The following IMMP1L variants were observed in gnomAD, a reference collection of about 807,000 sequenced individuals.
IMMP1L encodes the protein inner mitochondrial membrane peptidase subunit 1, also known as mitochondrial inner membrane protease subunit 1.
A neutral mutation model predicts 21.8 loss-of-function variants in IMMP1L; 24 were observed. The ratio of observed to expected loss-of-function variants is 1.10; its 90% CI spans 0.80 to 1.55. IMMP1L has a LOEUF of 1.55. Ranked by LOEUF, IMMP1L falls within the 40% of genes most tolerant of loss-of-function variation. IMMP1L has a pLI of 0.00. For synonymous variants in IMMP1L, 46 were observed against 62.8 expected (o/e 0.73, Z 1.26); for missense variants, 195 against 200.7 (o/e 0.97, Z 0.17).
chr11:31,496,521 T>C (rs1244877473), intron 1 of IMMP1L, among the ~76,000 whole-genome samples: 1 of 152,076 alleles, frequency 6.6e-6, no homozygotes, highest in African/African-American at 2.4e-5. Flanking sequence ...GATACTTCTA[T>C]GCCAATGTTC....
At chr11:31,456,956 G>GAAAAAGA (rs1170071912) in intron 3 of IMMP1L, among the ~76,000 whole-genome samples, 10 of 77,284 alleles carry the variant, frequency 1.3e-4, no homozygotes, top group East Asian at 1.2e-3. Flanking sequence ...ACCAAAAAAA[G>GAAAAAGA]AAAAAAAAAC....
At chr11:31,502,618 G>C (rs997678411) in intron 1 of IMMP1L, among the ~76,000 whole-genome samples, 1 of 152,148 alleles carries the variant, frequency 6.6e-6, no homozygotes, top group Non-Finnish European at 1.5e-5. Context: ...TCAAACCGAA[G>C]GGAAATTGAT....
intron 1 of IMMP1L, among the ~76,000 whole-genome samples, chr11:31,470,007 A>G (rs1467869500): frequency 6.6e-6 from 1 of 152,236 alleles, no homozygotes; most frequent in Admixed American, 6.5e-5. Context: ...AGCTAAAGAA[A>G]AAAATAAAAA....
chr11:31,452,191 G>A, intron 4 of IMMP1L: 2 of 977,852 alleles, frequency 2.0e-6, no homozygotes, highest in Non-Finnish European at 2.4e-6. Flanking sequence ...TGTCATGGGA[G>A]TTTGTTTAGA....
intron 1 of IMMP1L, among the ~76,000 whole-genome samples, chr11:31,487,331 T>C (rs1457617007): frequency 6.6e-6 from 1 of 152,160 alleles, no homozygotes; most frequent in African/African-American, 2.4e-5. Context: ...CCATGTTGTT[T>C]CTGTCTGTCA....
intron 1 of IMMP1L, among the ~76,000 whole-genome samples, chr11:31,483,010 A>G (rs1223097): frequency 0.64 from 97,936 of 151,860 alleles, 33,489 homozygotes; most frequent in African/African-American, 0.89. Flanking sequence ...CTACAACTAT[A>G]TAGATAAATC....
At chr11:31,441,009 T>C (rs907337508) in intron 4 of IMMP1L, among the ~76,000 whole-genome samples, 1 of 152,138 alleles carries the variant, frequency 6.6e-6, no homozygotes, top group South Asian at 2.1e-4. Context: ...CCAGTAAAAA[T>C]AAATACATAA....
At chr11:31,452,328 G>A (rs1953783796) in intron 4 of IMMP1L, 4 of 983,980 alleles carry the variant, frequency 4.1e-6, no homozygotes, top group Non-Finnish European at 4.8e-6. Flanking sequence ...TAAACATTAT[G>A]AGTGCTTTTC....
rs556924671 is a variant in IMMP1L at position 31,502,763 on chromosome 11, A to G, written c.-30+6756T>C. Among the ~76,000 whole-genome samples, 3 of 152,374 alleles carry G rather than the reference A, an allele frequency of 2.0e-5. No individual in the cohort carries two copies. The South Asian group carries it at 6.2e-4, about 32-fold the overall frequency. On this transcript the variant is annotated intron_variant, in intron 1 of 5. Coordinates refer to ENST00000532287, the MANE Select transcript of IMMP1L (RefSeq NM_001304274.2). ...CGTTATTTAATTCCTCATGTTGGCT[A>G]CATGCAAATATGGAGAAAAGTCCCA...
chr11:31,437,616 A>G (rs1953169868), intron 4 of IMMP1L, among the ~76,000 whole-genome samples: 1 of 152,198 alleles, frequency 6.6e-6, no homozygotes, highest in African/African-American at 2.4e-5. Flanking sequence ...GGTATATTTT[A>G]TATACAGTAA....
intron 1 of IMMP1L, among the ~76,000 whole-genome samples, chr11:31,503,766 G>A (rs1786861478): frequency 6.6e-6 from 1 of 152,200 alleles, no homozygotes; most frequent in Admixed American, 6.5e-5. Context: ...CAACTTAGGT[G>A]AGAAGGAATT....
intron 1 of IMMP1L, among the ~76,000 whole-genome samples, chr11:31,482,705 T>G (rs1397062684): frequency 1.3e-5 from 2 of 151,884 alleles, no homozygotes; most frequent in African/African-American, 4.8e-5. Context: ...AAAAAACGAG[T>G]GTTGGAAACA....
intron 1 of IMMP1L, among the ~76,000 whole-genome samples, chr11:31,500,173 C>G (rs1372965424): frequency 6.6e-6 from 1 of 150,482 alleles, no homozygotes; most frequent in Non-Finnish European, 1.5e-5. Flanking sequence ...CTTTTTTTTT[C>G]CATTTAGGCT....
rs930039693 is a variant in IMMP1L, at chr11:31,433,828, C to T, written c.322-258G>A. Reference sequence around the variant, plus strand: ...CCAAATATTAATTTGTTATACAAACCCCAAACTGAGGTTATAAGAGATCAA... The same window carrying T: ...CCAAATATTAATTTGTTATACAAACTCCAAACTGAGGTTATAAGAGATCAA... On this transcript the variant is annotated intron_variant, in intron 4 of 5. Transcript: ENST00000532287. The T allele has an allele frequency of 3.5e-5, 11 of 311,640 alleles. No individual in the cohort carries two copies. In the Admixed American group the frequency reaches 5.2e-4, roughly 15 times the overall value. 19.3% of individuals were successfully genotyped at this position (311,640 alleles called of 1,614,324 possible).
At chr11:31,472,474 T>C (rs1351196402) in intron 1 of IMMP1L, among the ~76,000 whole-genome samples, 1 of 152,228 alleles carries the variant, frequency 6.6e-6, no homozygotes, top group Non-Finnish European at 1.5e-5. Flanking sequence ...GGCAGCCCTA[T>C]TTATCCAGTC....
chr11:31,439,899 G>A lies in IMMP1L; in HGVS notation c.322-6329C>T, dbSNP rs1313473077. Among the ~76,000 whole-genome samples, 10 of 152,286 alleles carry A rather than the reference G, an allele frequency of 6.6e-5. No individual in the cohort carries two copies. The East Asian group carries it at 1.9e-3, about 29-fold the overall frequency. Reference sequence around the variant, plus strand: ...CAGAACACAAATGTCTCTCAGCTCTGTGTGAGTTCTGGGACCTTTTTGGCT... The same window carrying A: ...CAGAACACAAATGTCTCTCAGCTCTATGTGAGTTCTGGGACCTTTTTGGCT... On this transcript the variant is annotated intron_variant, in intron 4 of 5. Transcript: ENST00000532287.
chr11:31,437,218 G>T (rs1953154349), intron 4 of IMMP1L: 1 of 417,176 alleles, frequency 2.4e-6, no homozygotes, highest in Non-Finnish European at 4.8e-6. Context: ...ATATACACGA[G>T]ATATCCAGGG....
intron 4 of IMMP1L, among the ~76,000 whole-genome samples, chr11:31,435,270 C>T (rs1591934477): frequency 6.6e-6 from 1 of 152,176 alleles, no homozygotes; most frequent in East Asian, 1.9e-4. Context: ...TCCATCTCTT[C>T]ATGAAGCTTT....
At chr11:31,442,831 C>CT (rs1444956917) in intron 4 of IMMP1L, among the ~76,000 whole-genome samples, 8 of 150,904 alleles carry the variant, frequency 5.3e-5, no homozygotes, top group African/African-American at 1.7e-4. Flanking sequence ...ATCAGATAGT[C>CT]TTTTTTTGCT....
Sources: gnomAD v4.1 joint callset for allele counts (sites outside exome capture counted in the v4.1 genomes callset) on GRCh38, gnomAD v4.1.1 for gene constraint, MANE v1.5 for transcripts, NCBI Gene and HGNC (gene_info 2026-07-23, HGNC 2026-07-21) for gene names.